Variants in PSD3 observed in about 807,000 individuals in gnomAD.
PSD3 encodes PH and SEC7 domain-containing protein 3.
PSD3 carries 49 observed loss-of-function variants against 105.5 expected under a neutral mutation model. That is an observed-to-expected ratio of 0.46 (90% CI 0.37 to 0.59). PSD3 has a LOEUF of 0.59. Ranked by LOEUF, PSD3 falls within the 20% of genes least tolerant of loss-of-function variation. The pLI, the probability that PSD3 is intolerant of heterozygous loss-of-function variation, is 0.00. For missense variants in PSD3, 1,561 were observed against 1,263.8 expected (o/e 1.24, Z -3.57); for synonymous variants, 557 against 457.8 (o/e 1.22, Z -2.77).
At chr8:18,781,100 A>C (rs1364436172) in intron 8 of PSD3, among the ~76,000 whole-genome samples, 1 of 151,464 alleles carries the variant, frequency 6.6e-6, no homozygotes, top group Non-Finnish European at 1.5e-5. Flanking sequence ...CATTTCATTT[A>C]CTCCTGGACT....
At position 18,970,324 on chromosome 8, in the gene PSD3, CAAAAA is replaced by C. The variant is rs11450922; in HGVS notation, c.22-34187_22-34183del. On this transcript the variant is annotated intron_variant, in intron 1 of 15. Coordinates refer to ENST00000327040, the MANE Select transcript of PSD3 (RefSeq NM_015310.4). Reference sequence around the variant, plus strand: ...TGGGCGACAGAGCAAGACTCTGCCTCAAAAAAAAAAAAAAAAAAAAAAAACAAAGA... The same window carrying C: ...TGGGCGACAGAGCAAGACTCTGCCTCAAAAAAAAAAAAAAAAAAACAAAGA... 4.4e-3 allele frequency among the ~76,000 whole-genome samples: 200 copies of C among 45,308 alleles called. 1 individual carries two copies. Among genetic ancestry groups the C allele is most frequent in the African/African-American group, 0.016 (178 of 10,824 alleles). 29.7% of individuals were successfully genotyped at this position (45,308 alleles called of 152,430 possible). A position where few individuals can be genotyped will look rare whatever the true frequency, so the allele number is the denominator to read the frequency against.
intron 1 of PSD3, among the ~76,000 whole-genome samples, chr8:18,937,926 C>T (rs956489749): frequency 6.6e-6 from 1 of 151,750 alleles, no homozygotes; most frequent in African/African-American, 2.4e-5. Context: ...ATACGCATGG[C>T]CTTAAGGAAT....
intron 1 of PSD3, among the ~76,000 whole-genome samples, chr8:19,070,552 T>C (rs76905972): frequency 0.29 from 44,306 of 151,896 alleles, 6,853 homozygotes; most frequent in South Asian, 0.36. Flanking sequence ...GTGGCACATG[T>C]CTGTAAACCC....
At chr8:18,762,026 T>C (rs1364144117) in intron 9 of PSD3, among the ~76,000 whole-genome samples, 1 of 152,176 alleles carries the variant, frequency 6.6e-6, no homozygotes, top group Non-Finnish European at 1.5e-5. Flanking sequence ...AATGGAATAA[T>C]AACCAAGATA....
rs1800476962 is a variant in PSD3, at chr8:18,683,133, G to GT, written c.2173-27449_2173-27448insA. Reference sequence around the variant, plus strand: ...TAATCACTCCCTTCACATTTCACACGAACAAAGATTATATTATCTTCAAGA... The same window carrying GT: ...TAATCACTCCCTTCACATTTCACACGTAACAAAGATTATATTATCTTCAAGA... On this transcript the variant is annotated intron_variant, in intron 9 of 15. Transcript: ENST00000327040. 3.9e-5 allele frequency among the ~76,000 whole-genome samples: 6 copies of GT among 152,106 alleles called. No homozygotes were observed. In the South Asian group the frequency reaches 1.2e-3, roughly 32 times the overall value.
rs561441688 is a variant in PSD3, at chr8:18,736,841, G to A, written c.2172+28608C>T. Among the ~76,000 whole-genome samples the A allele has an allele frequency of 2.0e-5, 3 of 152,286 alleles. No individual in the cohort carries two copies. In the South Asian group the frequency reaches 6.2e-4, roughly 32 times the overall value. Reference sequence around the variant, plus strand: ...ATTTGTTTTTCCAAAGGTAAATTTGGCTGATGATCAGAAAAATCTTTTAAA... The same window carrying A: ...ATTTGTTTTTCCAAAGGTAAATTTGACTGATGATCAGAAAAATCTTTTAAA... On this transcript the variant is annotated intron_variant, in intron 9 of 15. Coordinates refer to ENST00000327040, the MANE Select transcript of PSD3 (RefSeq NM_015310.4).
intron 4 of PSD3, among the ~76,000 whole-genome samples, chr8:18,865,603 T>G (rs1454450124): frequency 1.3e-5 from 2 of 152,016 alleles, no homozygotes; most frequent in African/African-American, 4.8e-5. Context: ...CTGCCAAGCT[T>G]GTCTGTCCAA....
chr8:18,566,274 C>T (rs979756362), intron 14 of PSD3, among the ~76,000 whole-genome samples: 1 of 152,118 alleles, frequency 6.6e-6, no homozygotes, highest in African/African-American at 2.4e-5. Context: ...CCTGTAATTC[C>T]AGCACTTTGG....
intron 8 of PSD3, among the ~76,000 whole-genome samples, chr8:18,793,505 T>A (rs372378299): frequency 2.6e-5 from 4 of 151,632 alleles, no homozygotes; most frequent in East Asian, 3.9e-4. Context: ...AATCAAAAGA[T>A]CTTTGCAAAT....
At chr8:18,932,741 CT>C (rs1821826813) in intron 2 of PSD3, among the ~76,000 whole-genome samples, 1 of 152,182 alleles carries the variant, frequency 6.6e-6, no homozygotes, top group Non-Finnish European at 1.5e-5. Context: ...AAATGGTAAT[CT>C]TTCTGAACTT....
At chr8:18,839,651 G>T (rs544709531) in intron 4 of PSD3, among the ~76,000 whole-genome samples, 8 of 152,142 alleles carry the variant, frequency 5.3e-5, no homozygotes, top group Non-Finnish European at 5.9e-5. Context: ...AGAAGGTTTT[G>T]CAGCTCCAGT....
intron 1 of PSD3, among the ~76,000 whole-genome samples, chr8:19,033,167 T>G (rs1334903220): frequency 1.3e-5 from 2 of 152,050 alleles, no homozygotes; most frequent in Admixed American, 1.3e-4. Context: ...CTGAATCCAT[T>G]TGGTTCAGAA....
At chr8:18,857,895 C>T (rs1816144198) in intron 4 of PSD3, among the ~76,000 whole-genome samples, 1 of 152,122 alleles carries the variant, frequency 6.6e-6, no homozygotes, top group Non-Finnish European at 1.5e-5. Context: ...AGAATACCTG[C>T]AAATAGAGCG....
At chr8:18,957,510 C>T (rs913900743) in intron 1 of PSD3, among the ~76,000 whole-genome samples, 1 of 135,812 alleles carries the variant, frequency 7.4e-6, no homozygotes, top group African/African-American at 2.8e-5. Flanking sequence ...AATTCCACAT[C>T]TCATCCATCT....
At chr8:18,975,545 T>C (rs911907604) in intron 1 of PSD3, among the ~76,000 whole-genome samples, 1 of 152,142 alleles carries the variant, frequency 6.6e-6, no homozygotes. Context: ...ATCCATAAGA[T>C]TAAAATAGAA....
chr8:18,846,943 G>C (rs147772024), intron 4 of PSD3, among the ~76,000 whole-genome samples: 1 of 152,210 alleles, frequency 6.6e-6, no homozygotes, highest in Non-Finnish European at 1.5e-5. Context: ...GAAGTACCAG[G>C]AAAACCCCAG....
chr8:19,047,819 C>T (rs1828378648), intron 1 of PSD3, among the ~76,000 whole-genome samples: 1 of 152,162 alleles, frequency 6.6e-6, no homozygotes, highest in South Asian at 2.1e-4. Flanking sequence ...CAGAAGCTAG[C>T]ATCTCACACT....
At chr8:18,948,680 G>A (rs1380777881) in intron 1 of PSD3, among the ~76,000 whole-genome samples, 1 of 152,116 alleles carries the variant, frequency 6.6e-6, no homozygotes, top group African/African-American at 2.4e-5. Flanking sequence ...CAAAGAAATT[G>A]CATAAGCATC....
intron 9 of PSD3, among the ~76,000 whole-genome samples, chr8:18,761,151 AG>A (rs1806497458): frequency 6.6e-6 from 1 of 152,220 alleles, no homozygotes; most frequent in Non-Finnish European, 1.5e-5. Flanking sequence ...GAAGAAGGAT[AG>A]GCCCAGGAGA....
Sources: gnomAD v4.1 joint callset for allele counts (sites outside exome capture counted in the v4.1 genomes callset) on GRCh38, gnomAD v4.1.1 for gene constraint, MANE v1.5 for transcripts, NCBI Gene and HGNC (gene_info 2026-07-23, HGNC 2026-07-21) for gene names.